FBN2: variants seen among roughly 807,000 people sequenced by gnomAD.
The protein encoded by FBN2 is fibrillin-2.
In FBN2, 105 loss-of-function variants were observed where a neutral mutation model predicts 355.6. The observed-to-expected ratio is 0.30, with a 90% confidence interval of 0.25 to 0.35. The LOEUF is 0.35. FBN2 is among the 10% of genes least tolerant of loss of function. FBN2 has a pLI of 1.00. For missense variants in FBN2, 3,280 were observed against 3,758.7 expected (o/e 0.87, Z 3.33); for synonymous variants, 1,350 against 1,301.2 (o/e 1.04, Z -0.81).
intron 48 of FBN2, among the ~76,000 whole-genome samples, chr5:128,293,628 C>G (rs904937898): frequency 2.6e-5 from 4 of 152,026 alleles, no homozygotes; most frequent in African/African-American, 9.6e-5. Context: ...GAAATAAAAG[C>G]TATCCATACT....
At chr5:128,379,577 C>A (rs1247266444) in intron 11 of FBN2, among the ~76,000 whole-genome samples, 1 of 151,804 alleles carries the variant, frequency 6.6e-6, no homozygotes, top group African/African-American at 2.4e-5. Context: ...CTAGTCGTGA[C>A]CAAAAAGTGA....
chr5:128,391,944 C>A lies in FBN2; in HGVS notation c.1603+74G>T, dbSNP rs542909080. 3.6e-4 allele frequency: 496 copies of A among 1,363,712 alleles called. 2 individuals are homozygous for A. In the African/African-American group the frequency reaches 6.2e-3, roughly 17 times the overall value. The allele number at this position is 1,363,712 out of a possible 1,614,324, so 84.5% of individuals were successfully genotyped here. A position where few individuals can be genotyped will look rare whatever the true frequency, so the allele number is the denominator to read the frequency against. On this transcript the variant is annotated intron_variant, in intron 11 of 64. Coordinates refer to ENST00000262464, the MANE Select transcript of FBN2 (RefSeq NM_001999.4). ...TCAAAAGACTTAAAAAAATCATATT[C>A]ATTCCAATTTGATCCTGTAATCTAA...
chr5:128,507,440 A>G (rs191300943), intron 5 of FBN2, among the ~76,000 whole-genome samples: 1 of 152,188 alleles, frequency 6.6e-6, no homozygotes, highest in Non-Finnish European at 1.5e-5. Flanking sequence ...CCAATAGTAC[A>G]TAATACAAGG....
chr5:128,318,821 A>G, intron 35 of FBN2, 58 bp downstream of exon 35: 1 of 1,575,280 alleles, frequency 6.3e-7, no homozygotes, highest in Non-Finnish European at 8.7e-7. Context: ...TTTTATGCTT[A>G]GCACAGAATA....
At chr5:128,536,594 A>G in intron 1 of FBN2, 110 bp from the exon 2 acceptor site, 1 of 776,554 alleles carries the variant, frequency 1.3e-6, no homozygotes, top group Non-Finnish European at 2.3e-6. Context: ...ACAACAAACA[A>G]ATCAAAATTA....
chr5:128,450,030 G>A (rs953287603), intron 6 of FBN2, among the ~76,000 whole-genome samples: 8 of 152,044 alleles, frequency 5.3e-5, no homozygotes, highest in African/African-American at 1.9e-4. Context: ...TAAACTCCTG[G>A]AGCAAGGGTA....
chr5:128,392,605 C>T (rs1023845314), intron 10 of FBN2, among the ~76,000 whole-genome samples: 12 of 152,074 alleles, frequency 7.9e-5, no homozygotes, highest in African/African-American at 2.4e-4. Flanking sequence ...CTGAAGCCCA[C>T]GGTTTTCAAT....
intron 20 of FBN2, 45 bp downstream of exon 20, chr5:128,357,231 T>C: frequency 6.2e-7 from 1 of 1,612,178 alleles, no homozygotes; most frequent in South Asian, 1.1e-5. Context: ...TCTGTGCTTA[T>C]CTTGGCAGTG....
At chr5:128,497,409 G>T (rs1372817372) in intron 5 of FBN2, among the ~76,000 whole-genome samples, 2 of 152,198 alleles carry the variant, frequency 1.3e-5, no homozygotes, top group African/African-American at 4.8e-5. Context: ...ATCCCAAATG[G>T]ATGAGGAACA....
At chr5:128,395,426 T>C (rs1347267717) in intron 8 of FBN2, 152 bp from the exon 9 acceptor site, 2 of 875,748 alleles carry the variant, frequency 2.3e-6, no homozygotes, top group Non-Finnish European at 3.6e-6. Context: ...ATCTCAGACA[T>C]TCATTGAGCC....
intron 53 of FBN2, 64 bp downstream of exon 53, chr5:128,288,374 T>C (rs956014222): frequency 1.9e-6 from 3 of 1,560,824 alleles, no homozygotes; most frequent in Non-Finnish European, 2.6e-6. Flanking sequence ...TAAATAAATA[T>C]TGAGACATTA....
chr5:128,535,540 A>G (rs983636110), intron 2 of FBN2, among the ~76,000 whole-genome samples: 5 of 152,182 alleles, frequency 3.3e-5, no homozygotes, highest in African/African-American at 1.2e-4. Flanking sequence ...CTACATAAAC[A>G]CACAGGAGAA....
intron 25 of FBN2, among the ~76,000 whole-genome samples, chr5:128,343,813 T>G (rs552542224): frequency 8.5e-4 from 130 of 152,376 alleles, no homozygotes; most frequent in African/African-American, 3.0e-3. Context: ...AGTCATATAT[T>G]TTGAAAATCA....
chr5:128,347,292 G>A (rs904636438), intron 23 of FBN2, among the ~76,000 whole-genome samples: 6 of 152,196 alleles, frequency 3.9e-5, no homozygotes, highest in African/African-American at 1.4e-4. Flanking sequence ...GAGCAATCCT[G>A]TCTTTAATAC....
intron 19 of FBN2, among the ~76,000 whole-genome samples, chr5:128,360,962 T>TAA (rs748463755): frequency 9.1e-4 from 138 of 152,174 alleles, no homozygotes; most frequent in Non-Finnish European, 1.8e-3. Context: ...CAGTGAGATT[T>TAA]AAACAGGAAC....
At chr5:128,445,730 C>T (rs577641406) in intron 7 of FBN2, among the ~76,000 whole-genome samples, 32 of 152,202 alleles carry the variant, frequency 2.1e-4, no homozygotes, top group African/African-American at 7.5e-4. Flanking sequence ...TGTATCAAAA[C>T]TACTAGAATC....
chr5:128,269,021 C>T (rs1447814954), intron 62 of FBN2, among the ~76,000 whole-genome samples: 3 of 151,974 alleles, frequency 2.0e-5, no homozygotes, highest in African/African-American at 7.3e-5. Context: ...AAATTCTGGC[C>T]AGGGCAATCA....
chr5:128,374,067 G>T (rs1384684372), intron 15 of FBN2, among the ~76,000 whole-genome samples: 1 of 151,662 alleles, frequency 6.6e-6, no homozygotes, highest in Non-Finnish European at 1.5e-5. Context: ...AATGCACTGT[G>T]TTTAGGATTC....
intron 11 of FBN2, 21 bp from the exon 12 acceptor site, chr5:128,378,911 C>T: frequency 6.2e-7 from 1 of 1,612,484 alleles, no homozygotes; most frequent in Non-Finnish European, 8.5e-7. Context: ...CAAAAGAAAC[C>T]ATTATAGACT....
Sources: gnomAD v4.1 joint callset for allele counts (sites outside exome capture counted in the v4.1 genomes callset) on GRCh38, gnomAD v4.1.1 for gene constraint, MANE v1.5 for transcripts, NCBI Gene and HGNC (gene_info 2026-07-23, HGNC 2026-07-21) for gene names.